The following DRC11 variants were observed in gnomAD, a reference collection of about 807,000 sequenced individuals.
The protein encoded by DRC11 is IQ and AAA domain-containing protein 1.
chr2:236,316,553 A>G, the DRC11 span, among the ~76,000 whole-genome samples: 1 of 152,232 alleles, frequency 6.6e-6, no homozygotes, highest in Admixed American at 6.5e-5. The surrounding 1 kb of genome is among the most constrained non-coding windows in gnomAD (Gnocchi z 6.8). Flanking sequence ...GCTTCTCACT[A>G]AAAGTATAAA....
chr2:236,395,213 C>T, the DRC11 span, among the ~76,000 whole-genome samples: 3 of 152,034 alleles, frequency 2.0e-5, no homozygotes, highest in Non-Finnish European at 4.4e-5. Flanking sequence ...TTCATTCACA[C>T]GGGGCAGGTG....
At chr2:236,312,591 A>C in the DRC11 span, among the ~76,000 whole-genome samples, 1 of 152,162 alleles carries the variant, frequency 6.6e-6, no homozygotes, top group Admixed American at 6.5e-5. Flanking sequence ...GTCTAAATCT[A>C]TATAGTGAAA....
At chr2:236,493,116 T>C in the DRC11 span, among the ~76,000 whole-genome samples, 4 of 152,008 alleles carry the variant, frequency 2.6e-5, no homozygotes, top group Admixed American at 2.0e-4. Flanking sequence ...TGGCAGAAGG[T>C]GAAAGGCACA....
chr2:236,324,886 C>A, the DRC11 span: 1 of 809,490 alleles, frequency 1.2e-6, no homozygotes, highest in Non-Finnish European at 2.0e-6. This position sits in a 1 kb window ranked among gnomAD's most constrained non-coding sequence, Gnocchi z 5.7. Context: ...GGGCAAGCAG[C>A]CATTGTACTT....
the DRC11 span, among the ~76,000 whole-genome samples, chr2:236,439,446 T>C: frequency 1.6e-4 from 25 of 152,240 alleles, no homozygotes; most frequent in African/African-American, 2.7e-4. Context: ...ATTAACTTCA[T>C]AGAATAATAA....
chr2:236,476,401 G>C, the DRC11 span, among the ~76,000 whole-genome samples: 1 of 151,890 alleles, frequency 6.6e-6, no homozygotes, highest in African/African-American at 2.4e-5. The surrounding 1 kb of genome is among the most constrained non-coding windows in gnomAD (Gnocchi z 4.7). Flanking sequence ...ACTGATTTTT[G>C]CATGCTGGTT....
the DRC11 span, among the ~76,000 whole-genome samples, chr2:236,491,285 A>ATATATATATATAT: frequency 7.4e-6 from 1 of 135,052 alleles, no homozygotes; most frequent in African/African-American, 2.9e-5. Context: ...CACAGTATAT[A>ATATATATATATAT]AGCAGCTTAA....
At chr2:236,496,943 C>T in the DRC11 span, among the ~76,000 whole-genome samples, 1 of 152,144 alleles carries the variant, frequency 6.6e-6, no homozygotes, top group Non-Finnish European at 1.5e-5. This position sits in a 1 kb window ranked among gnomAD's most constrained non-coding sequence, Gnocchi z 6.3. Context: ...CAGTGCCTAA[C>T]ACAGCCAAGA....
At chr2:236,416,763 ATATAT>A in the DRC11 span, among the ~76,000 whole-genome samples, 30 of 98,414 alleles carry the variant, frequency 3.0e-4, no homozygotes, top group Middle Eastern at 5.0e-3. Context: ...ATATATATAT[ATATAT>A]AAATAATTTT....
the DRC11 span, among the ~76,000 whole-genome samples, chr2:236,459,672 C>T: frequency 0.029 from 4,184 of 142,816 alleles, 224 homozygotes; most frequent in African/African-American, 0.1. Context: ...TACGTATATA[C>T]GTATATATGT....
chr2:236,312,082 AG>A, the DRC11 span, among the ~76,000 whole-genome samples: 2 of 152,210 alleles, frequency 1.3e-5, no homozygotes, highest in Non-Finnish European at 2.9e-5. Flanking sequence ...ATTGTTCAAC[AG>A]GTTACCCACT....
At chr2:236,476,671 C>A in the DRC11 span, among the ~76,000 whole-genome samples, 4 of 152,120 alleles carry the variant, frequency 2.6e-5, no homozygotes, top group African/African-American at 9.7e-5. This position sits in a 1 kb window ranked among gnomAD's most constrained non-coding sequence, Gnocchi z 4.7. Flanking sequence ...GTATGTTGAA[C>A]CATTCTTGCA....
the DRC11 span, chr2:236,486,921 A>C: frequency 6.4e-7 from 1 of 1,570,752 alleles, no homozygotes; most frequent in East Asian, 2.3e-5. This position sits in a 1 kb window ranked among gnomAD's most constrained non-coding sequence, Gnocchi z 5.7. Context: ...ATAAATGGTT[A>C]CTTGTTTAAT....
the DRC11 span, chr2:236,338,118 C>T: frequency 1.8e-5 from 24 of 1,358,308 alleles, no homozygotes; most frequent in South Asian, 1.4e-4. Flanking sequence ...TGGCGCCCAC[C>T]GGGTCCAAGG....
the DRC11 span, among the ~76,000 whole-genome samples, chr2:236,369,371 G>A: frequency 6.6e-6 from 1 of 152,190 alleles, no homozygotes; most frequent in African/African-American, 2.4e-5. The surrounding 1 kb of genome is among the most constrained non-coding windows in gnomAD (Gnocchi z 4.5). Flanking sequence ...AGGACAATGG[G>A]TATTGGTTGG....
At chr2:236,373,511 A>G in the DRC11 span, among the ~76,000 whole-genome samples, 1 of 152,178 alleles carries the variant, frequency 6.6e-6, no homozygotes, top group South Asian at 2.1e-4. Context: ...TCAGTCTCCC[A>G]AAGTGCTGGA....
chr2:236,452,414 A>G, the DRC11 span, among the ~76,000 whole-genome samples: 1 of 152,216 alleles, frequency 6.6e-6, no homozygotes, highest in South Asian at 2.1e-4. The surrounding 1 kb of genome is among the most constrained non-coding windows in gnomAD (Gnocchi z 4.7). Flanking sequence ...AGGGGTTTCC[A>G]GCCGGTCCCC....
the DRC11 span, among the ~76,000 whole-genome samples, chr2:236,414,615 T>G: frequency 1.3e-5 from 2 of 152,106 alleles, no homozygotes; most frequent in Admixed American, 6.6e-5. Flanking sequence ...TGTGAGCCAC[T>G]GGGCAGGACT....
the DRC11 span, among the ~76,000 whole-genome samples, chr2:236,357,929 C>T: frequency 3.7e-5 from 3 of 81,244 alleles, no homozygotes; most frequent in African/African-American, 9.7e-5. Context: ...TATATAAATT[C>T]ATATATGAAT....
Sources: gnomAD v4.1 joint callset for allele counts (sites outside exome capture counted in the v4.1 genomes callset) on GRCh38, gnomAD v4.1.1 for gene constraint, Gnocchi (gnomAD v3.1) non-coding constraint, MANE v1.5 for transcripts, NCBI Gene and HGNC (gene_info 2026-07-23, HGNC 2026-07-21) for gene names.